PLA2G6: variants seen among roughly 807,000 people sequenced by gnomAD.
PLA2G6 encodes the protein phospholipase A2 group VI.
PLA2G6 carries 62 observed loss-of-function variants against 83.8 expected under a neutral mutation model. That is an observed-to-expected ratio of 0.74 (90% CI 0.60 to 0.91). The LOEUF is 0.91. PLA2G6 is among the 40% of genes least tolerant of loss of function. The probability of loss-of-function intolerance (pLI) is 0.00; values close to 1 mark genes in which losing one functional copy is unlikely to be tolerated. For missense variants in PLA2G6, 944 were observed against 1,102.0 expected, an observed-to-expected ratio of 0.86 and a Z score of 2.03; for synonymous variants, 417 against 449.8, an observed-to-expected ratio of 0.93 and a Z score of 0.92.
At chr22:38,151,389 A>G (rs2089552814) in intron 2 of PLA2G6, among the ~76,000 whole-genome samples, 1 of 151,940 alleles carries the variant, frequency 6.6e-6, no homozygotes, top group Admixed American at 6.6e-5. Flanking sequence ...AGGGACGTGA[A>G]CCACCACACC....
chr22:38,116,908 G>A (rs960758226), intron 12 of PLA2G6, among the ~76,000 whole-genome samples: 3 of 115,146 alleles, frequency 2.6e-5, no homozygotes, highest in Non-Finnish European at 5.7e-5. Flanking sequence ...AAGCCAATAA[G>A]CTTAAAGATT....
Position 38,134,978 on chromosome 22 carries a change from A to C in PLA2G6, c.894+10T>G. 1 of 598,102 alleles carries C rather than the reference A, an allele frequency of 1.7e-6. No individual in the cohort carries two copies. Among genetic ancestry groups the C allele is most frequent in the Non-Finnish European group, 3.1e-6 (1 of 321,370 alleles). The allele number at this position is 598,102 out of a possible 1,614,324, so 37.0% of individuals were successfully genotyped here. ...CCCTGCCCCACCCACCCACCTCAGG[A>C]TCCACTCACCTCTGCGTTCTTGGCC... On this transcript the variant is annotated intron_variant, in intron 6 of 16. Transcript: ENST00000332509.
At chr22:38,172,265 G>A (rs2090465441) in intron 1 of PLA2G6, among the ~76,000 whole-genome samples, 1 of 152,186 alleles carries the variant, frequency 6.6e-6, no homozygotes, top group Non-Finnish European at 1.5e-5. Flanking sequence ...CGGGCCCAGG[G>A]TCACCCAGCT....
At chr22:38,126,257 C>T (rs571581617) in intron 10 of PLA2G6, 114 bp downstream of exon 10, 9 of 803,276 alleles carry the variant, frequency 1.1e-5, no homozygotes, top group South Asian at 1.1e-4. Context: ...AGCAGAGCCA[C>T]TTCGCCGGCT....
At chr22:38,127,508 G>C (rs1425348398) in intron 9 of PLA2G6, 2 of 1,197,006 alleles carry the variant, frequency 1.7e-6, no homozygotes, top group South Asian at 1.3e-5. Context: ...GTTCCTGGGA[G>C]GGGAGAGAGA....
At chr22:38,174,177 A>C (rs1330106625) in intron 1 of PLA2G6, among the ~76,000 whole-genome samples, 1 of 152,152 alleles carries the variant, frequency 6.6e-6, no homozygotes, top group Non-Finnish European at 1.5e-5. Context: ...CGGGCGGATC[A>C]CGAAATCAGG....
chr22:38,116,114 T>G lies in PLA2G6; in HGVS notation c.1840A>C (p.Asn614His), dbSNP rs765536809. The G allele has an allele frequency of 2.2e-5, 35 of 1,613,996 alleles. No homozygotes were observed. Among genetic ancestry groups the G allele is most frequent in the Non-Finnish European group, 8.5e-7 (1 of 1,180,018 alleles). ...APETVREPRFNQNVNLRPPAQ... is the reference protein window; with the variant it reads ...APETVREPRFHQNVNLRPPAQ... ...GGAGGCCTGAGGTTAACGTTCTGGT[T>G]GAAACGAGGCTCCCGGACAGTTTCT... Residue 614 changes from asparagine to histidine, a missense_variant, in exon 13 of 17, where the codon AAC (asparagine) becomes CAC (histidine). Coordinates refer to ENST00000332509, the MANE Select transcript of PLA2G6 (RefSeq NM_003560.4).
chr22:38,124,151 T>C (rs1442572419), intron 10 of PLA2G6, among the ~76,000 whole-genome samples: 1 of 152,024 alleles, frequency 6.6e-6, no homozygotes, highest in Non-Finnish European at 1.5e-5. Context: ...ATTTATTTAT[T>C]TATTTATAGA....
At chr22:38,145,032 C>CTTTTT (rs968832533) in intron 3 of PLA2G6, 32 of 192,654 alleles carry the variant, frequency 1.7e-4, no homozygotes, top group Admixed American at 6.1e-4. Context: ...AACGCAGCAC[C>CTTTTT]TTTTTTTTTT....
At chr22:38,142,999 G>A in intron 4 of PLA2G6, 106 bp downstream of exon 4, 1 of 1,031,574 alleles carries the variant, frequency 9.7e-7, no homozygotes, top group South Asian at 1.3e-5. Flanking sequence ...GGACCAATGG[G>A]GGACAGTGAG....
intron 2 of PLA2G6, chr22:38,148,694 G>T: frequency 3.2e-6 from 2 of 621,164 alleles, no homozygotes; most frequent in Non-Finnish European, 5.8e-6. Flanking sequence ...CGTAGCCTAG[G>T]AATAAGGGTG....
intron 12 of PLA2G6, among the ~76,000 whole-genome samples, chr22:38,116,719 C>T (rs923967580): frequency 2.6e-5 from 4 of 151,736 alleles, no homozygotes; most frequent in South Asian, 2.1e-4. Context: ...GGTGTGGTTG[C>T]GCATGCCTGT....
intron 2 of PLA2G6, among the ~76,000 whole-genome samples, chr22:38,164,216 T>A (rs1330069113): frequency 6.6e-6 from 1 of 152,066 alleles, no homozygotes; most frequent in Non-Finnish European, 1.5e-5. Flanking sequence ...GCACCATAGG[T>A]CAGGCAGGAA....
intron 2 of PLA2G6, among the ~76,000 whole-genome samples, chr22:38,155,507 A>G (rs1288022677): frequency 1.3e-5 from 2 of 152,224 alleles, no homozygotes; most frequent in East Asian, 1.9e-4. Context: ...AAACAGTACA[A>G]TAAGTTAAAA....
chr22:38,128,442 T>C lies in PLA2G6; in HGVS notation c.1187-12A>G. 4.3e-6 allele frequency: 7 copies of C among 1,613,850 alleles called. No individual in the cohort carries two copies. Among genetic ancestry groups the C allele is most frequent in the Non-Finnish European group, 5.1e-6 (6 of 1,179,912 alleles). ...CTTCCTGGTGACAACTTGTCATGGT[T>C]TGGGGAAGGGGAGATGGCACAGGAT... On this transcript the variant is annotated splice_polypyrimidine_tract_variant and intron_variant, in intron 8 of 16. Coordinates refer to ENST00000332509, the MANE Select transcript of PLA2G6 (RefSeq NM_003560.4). This position sits in a 1 kb window ranked among gnomAD's most constrained non-coding sequence, Gnocchi z 4.4.
At chr22:38,122,982 T>G (rs983707463) in intron 11 of PLA2G6, 113 bp downstream of exon 11, 2 of 1,056,244 alleles carry the variant, frequency 1.9e-6, no homozygotes, top group African/African-American at 1.6e-5. Context: ...AAAGTGCTTA[T>G]AGCCCTCCTC....
intron 5 of PLA2G6, 159 bp from the exon 6 acceptor site, chr22:38,135,243 C>A: frequency 1.6e-6 from 1 of 644,118 alleles, no homozygotes; most frequent in Admixed American, 2.2e-5. Flanking sequence ...TAAGGCTGTA[C>A]TGAGCCCCTC....
intron 1 of PLA2G6, among the ~76,000 whole-genome samples, chr22:38,170,069 G>A (rs1229062215): frequency 6.6e-6 from 1 of 151,956 alleles, no homozygotes; most frequent in Non-Finnish European, 1.5e-5. Flanking sequence ...GTGGTGGCAG[G>A]CGCCTGTAGT....
rs2089907722 is a variant in PLA2G6, at chr22:38,159,082, C to A, written c.209+10136G>T. Among the ~76,000 whole-genome samples, 3 of 151,926 alleles carry A rather than the reference C, an allele frequency of 2.0e-5. No individual in the cohort carries two copies. In the South Asian group the frequency reaches 6.2e-4, roughly 32 times the overall value. ...GGTGTGGTGGTGGGCGCCTGTAATC[C>A]CAGCTACTCAGGTTTTCAAAAAATA... On this transcript the variant is annotated intron_variant, in intron 2 of 16. Coordinates refer to ENST00000332509, the MANE Select transcript of PLA2G6 (RefSeq NM_003560.4).
Sources: allele counts gnomAD v4.1 joint callset (sites outside exome capture counted in the v4.1 genomes callset), GRCh38; gene constraint gnomAD v4.1.1; non-coding constraint Gnocchi (gnomAD v3.1); transcripts MANE v1.5; gene names NCBI Gene and HGNC (gene_info 2026-07-23, HGNC 2026-07-21).